Variants in MTMR1 observed in about 807,000 individuals in gnomAD.
MTMR1 encodes phosphatidylinositol-3-phosphate phosphatase MTMR1.
Under a neutral mutation model 51.6 loss-of-function variants are expected in MTMR1, and 17 were observed. The observed-to-expected ratio is 0.33, with a 90% CI of 0.23 to 0.49. MTMR1 has a LOEUF of 0.49. MTMR1 is among the 20% of genes least tolerant of loss of function. The pLI is 0.99. For synonymous variants in MTMR1, 201 were observed against 205.6 expected, an observed-to-expected ratio of 0.98 and a Z score of 0.19; for missense variants, 386 against 526.9, an observed-to-expected ratio of 0.73 and a Z score of 2.62.
In MTMR1 at chrX:150,699,181, G is replaced by C. The variant is rs782179633; in HGVS notation, c.147-14G>C. 1.8e-6 allele frequency: 2 copies of C among 1,103,334 alleles called. No homozygotes were observed. Among genetic ancestry groups the C allele is most frequent in the African/African-American group, 3.7e-5 (2 of 54,281 alleles). 90.9% of individuals were successfully genotyped at this position (1,103,334 alleles called of 1,213,427 possible). On this transcript the variant is annotated splice_polypyrimidine_tract_variant and intron_variant, in intron 1 of 15. Transcript: ENST00000445323. Reference sequence around the variant, plus strand: ...TATGATATAACGTTTTGTAATCCATGCTATTTTTTTTAGTCCCACAGGATC... The same window carrying C: ...TATGATATAACGTTTTGTAATCCATCCTATTTTTTTTAGTCCCACAGGATC...
intron 12 of MTMR1, among the ~76,000 whole-genome samples, chrX:150,741,032 G>A (rs782507470): frequency 1.6e-4 from 18 of 111,883 alleles, no homozygotes; most frequent in South Asian, 1.1e-3. Context: ...TTCAACACGA[G>A]GTTTAGGAGG....
intron 3 of MTMR1, among the ~76,000 whole-genome samples, chrX:150,715,432 C>G (rs1364127752): frequency 8.9e-6 from 1 of 111,974 alleles, no homozygotes; most frequent in Non-Finnish European, 1.9e-5. Flanking sequence ...GCCATGGCAC[C>G]AAGAGGAATG....
In MTMR1 at chrX:150,762,690, G is replaced by C. The variant is rs143691344; in HGVS notation, c.1983G>C (p.Ser661=). The C allele has an allele frequency of 2.5e-6, 3 of 1,187,717 alleles. No individual in the cohort carries two copies. In the Admixed American group the frequency reaches 6.8e-5, roughly 27 times the overall value. Residue 661 remains serine, a synonymous_variant, in exon 16 of 16, where the codon TCG becomes TCC. Coordinates refer to ENST00000445323, the MANE Select transcript of MTMR1 (RefSeq NM_001306144.3). ...AVSSSSERGS[S]PSHSATSVHT... is the part of the protein sequence containing the mutation. ...CATCCTCATCTGAGCGGGGCTCCTC[G>C]CCCTCCCACTCCGCCACCTCCGTCC...
intron 5 of MTMR1, 28 bp downstream of exon 5, chrX:150,727,337 T>G: frequency 9.1e-7 from 1 of 1,102,568 alleles, no homozygotes; most frequent in Non-Finnish European, 1.2e-6. Flanking sequence ...TGTTTTATTT[T>G]AAAAGAAACA....
At chrX:150,740,053 T>C (rs782678434) in intron 12 of MTMR1, among the ~76,000 whole-genome samples, 5 of 111,352 alleles carry the variant, frequency 4.5e-5, no homozygotes, top group Non-Finnish European at 9.4e-5. Context: ...CCTGCCTCCA[T>C]TCCCCCCTCT....
chrX:150,718,596 T>A, intron 3 of MTMR1, 29 bp from the exon 4 acceptor site: 5 of 396,598 alleles, frequency 1.3e-5, no homozygotes, highest in East Asian at 1.7e-4. Context: ...TTTTTTTTTT[T>A]TTTTTTTTTT....
chrX:150,741,731 A>G (rs1039984697), intron 12 of MTMR1, among the ~76,000 whole-genome samples: 1 of 112,779 alleles, frequency 8.9e-6, no homozygotes, highest in African/African-American at 3.2e-5. Flanking sequence ...GATGCCTTGC[A>G]CACGCCATAG....
At chrX:150,735,601 C>T in intron 10 of MTMR1, 1 of 416,098 alleles carries the variant, frequency 2.4e-6, no homozygotes, top group Non-Finnish European at 4.2e-6. Flanking sequence ...TCACACCCTG[C>T]AATCTCATCT....
intron 13 of MTMR1, 66 bp from the exon 14 acceptor site, chrX:150,750,664 A>C: frequency 1.4e-6 from 1 of 714,843 alleles, no homozygotes. Flanking sequence ...TGTCTTTCAT[A>C]AAAAAGTAAT....
chrX:150,725,721 ATTGTTT>A lies in MTMR1; in HGVS notation c.353-1481_353-1476del, dbSNP rs782298305. Reference sequence around the variant, plus strand: ...ACATATGTTATAAACCCCACAATATATTGTTTTTGTTTTTGTTTAAACAGTTATCTT... The same window carrying A: ...ACATATGTTATAAACCCCACAATATATTGTTTTTGTTTAAACAGTTATCTT... On this transcript the variant is annotated intron_variant, in intron 4 of 15. Transcript: ENST00000445323. Among the ~76,000 whole-genome samples, 23 of 111,128 alleles carry A rather than the reference ATTGTTT, an allele frequency of 2.1e-4. No individual in the cohort carries two copies. In the East Asian group the frequency reaches 5.3e-3, roughly 26 times the overall value.
chrX:150,705,981 C>T (rs1045632043), intron 2 of MTMR1, among the ~76,000 whole-genome samples: 1 of 112,076 alleles, frequency 8.9e-6, no homozygotes. Context: ...AGTCCGTTTG[C>T]TGCTGCTGTG....
chrX:150,712,932 C>T, intron 3 of MTMR1: 2 of 930,886 alleles, frequency 2.1e-6, no homozygotes, highest in African/African-American at 2.1e-5. Context: ...ATTTTCCTTC[C>T]CTTTATTTCA....
At chrX:150,740,597 A>G (rs2042396680) in intron 12 of MTMR1, among the ~76,000 whole-genome samples, 1 of 111,078 alleles carries the variant, frequency 9.0e-6, no homozygotes, top group Non-Finnish European at 1.9e-5. Flanking sequence ...TGCTCCTGTA[A>G]CTCAGGCCTT....
intron 2 of MTMR1, among the ~76,000 whole-genome samples, chrX:150,709,854 T>A (rs1557416162): frequency 1.8e-5 from 2 of 112,313 alleles, no homozygotes; most frequent in African/African-American, 6.5e-5. Flanking sequence ...CCTCCAACAC[T>A]GGGGATTAGA....
chrX:150,740,778 G>C (rs1557417291), intron 12 of MTMR1, among the ~76,000 whole-genome samples: 1 of 111,199 alleles, frequency 9.0e-6, no homozygotes, highest in Non-Finnish European at 1.9e-5. Context: ...AGGGCCTCAG[G>C]CTGCTTCCAC....
intron 15 of MTMR1, among the ~76,000 whole-genome samples, chrX:150,761,518 A>G (rs1387702914): frequency 9.7e-5 from 11 of 112,882 alleles, no homozygotes; most frequent in Non-Finnish European, 1.3e-4. Context: ...CTGGGGCCAG[A>G]CTGCAGAGGG....
intron 13 of MTMR1, among the ~76,000 whole-genome samples, chrX:150,749,139 T>A (rs182588932): frequency 3.8e-3 from 423 of 112,476 alleles, no homozygotes; most frequent in Non-Finnish European, 5.9e-3. Flanking sequence ...AAGCAAATCT[T>A]AATCCACGGT....
At chrX:150,715,108 G>T (rs190757890) in intron 3 of MTMR1, among the ~76,000 whole-genome samples, 105 of 112,019 alleles carry the variant, frequency 9.4e-4, no homozygotes, top group African/African-American at 3.2e-3. Flanking sequence ...TGTGTGGCAT[G>T]CCCCAGGTGC....
intron 12 of MTMR1, among the ~76,000 whole-genome samples, chrX:150,738,533 C>CA (rs1295613611): frequency 8.9e-6 from 1 of 111,944 alleles, no homozygotes; most frequent in Non-Finnish European, 1.9e-5. Flanking sequence ...GCTGGAAGTC[C>CA]AAAATCAGGG....
Sources: gnomAD v4.1 joint callset for allele counts (sites outside exome capture counted in the v4.1 genomes callset) on GRCh38, gnomAD v4.1.1 for gene constraint, MANE v1.5 for transcripts, NCBI Gene and HGNC (gene_info 2026-07-23, HGNC 2026-07-21) for gene names.